PARD3B: variants seen among roughly 807,000 people sequenced by gnomAD.
The protein encoded by PARD3B is par-3 family cell polarity regulator beta.
In PARD3B, 103 loss-of-function variants were observed where a neutral mutation model predicts 130.2. The ratio of observed to expected loss-of-function variants is 0.79; its 90% CI spans 0.67 to 0.93. The LOEUF (loss-of-function observed/expected upper bound fraction) is 0.93. Ranked by LOEUF, PARD3B falls within the 40% of genes least tolerant of loss-of-function variation. The pLI is 0.00. For synonymous variants in PARD3B, 583 were observed against 553.2 expected (o/e 1.05, Z -0.76); for missense variants, 1,609 against 1,499.2 (o/e 1.07, Z -1.21).
chr2:204,773,843 A>G (rs1352244166), intron 2 of PARD3B, among the ~76,000 whole-genome samples: 1 of 152,000 alleles, frequency 6.6e-6, no homozygotes, highest in Non-Finnish European at 1.5e-5. Context: ...ACCCTTTAGA[A>G]TGTATAAATC....
Position 205,376,650 on chromosome 2 carries a change from G to C in PARD3B, c.2631-24363G>C, listed in dbSNP as rs537934792. 2.3e-4 allele frequency among the ~76,000 whole-genome samples: 35 copies of C among 152,312 alleles called. 2 individuals carry two copies. The South Asian group carries it at 7.3e-3, about 32-fold the overall frequency. Reference sequence around the variant, plus strand: ...TGCAACTGAGAGTGGGGTGCTGTAGGACATGCAGTTTGATAGCAGCATAAA... The same window carrying C: ...TGCAACTGAGAGTGGGGTGCTGTAGCACATGCAGTTTGATAGCAGCATAAA... On this transcript the variant is annotated intron_variant, in intron 18 of 22. Transcript: ENST00000406610.
At chr2:204,628,746 CT>C (rs2034573719) in intron 1 of PARD3B, among the ~76,000 whole-genome samples, 1 of 152,104 alleles carries the variant, frequency 6.6e-6, no homozygotes. Context: ...GGGAGATTGC[CT>C]TTGAACATTG....
chr2:205,084,586 G>A (rs1701629663), intron 4 of PARD3B, among the ~76,000 whole-genome samples: 1 of 151,864 alleles, frequency 6.6e-6, no homozygotes, highest in South Asian at 2.1e-4. Flanking sequence ...ATGTTGTTAT[G>A]TAATTTCTTA....
intron 18 of PARD3B, among the ~76,000 whole-genome samples, chr2:205,329,036 G>A (rs1485773131): frequency 2.6e-5 from 4 of 152,088 alleles, no homozygotes; most frequent in Non-Finnish European, 5.9e-5. Flanking sequence ...CCCTATTGGC[G>A]AAGCTCTTCT....
intron 2 of PARD3B, among the ~76,000 whole-genome samples, chr2:204,810,196 A>G (rs1047448725): frequency 2.6e-5 from 4 of 151,986 alleles, no homozygotes; most frequent in Admixed American, 2.6e-4. Context: ...GCAAACAGAG[A>G]TAGTTTGACT....
chr2:205,447,273 G>A (rs1348375977), intron 20 of PARD3B, among the ~76,000 whole-genome samples: 1 of 149,830 alleles, frequency 6.7e-6, no homozygotes, highest in Non-Finnish European at 1.5e-5. Flanking sequence ...CAGGCTTCAG[G>A]GTGGTAGGGA....
chr2:205,537,216 A>T (rs551929721), intron 21 of PARD3B, among the ~76,000 whole-genome samples: 19 of 152,302 alleles, frequency 1.2e-4, no homozygotes, highest in Admixed American at 3.9e-4. Flanking sequence ...TCTGCTCAAC[A>T]TTCATGCTAT....
intron 2 of PARD3B, among the ~76,000 whole-genome samples, chr2:204,860,960 T>C (rs2045158956): frequency 6.6e-6 from 1 of 152,182 alleles, no homozygotes; most frequent in Non-Finnish European, 1.5e-5. Context: ...CACAAAAATG[T>C]AGAGTTTTCC....
intron 16 of PARD3B, among the ~76,000 whole-genome samples, chr2:205,248,380 T>TTGGTGGTGGTGG (rs751935440): frequency 4.3e-4 from 62 of 145,358 alleles, no homozygotes; most frequent in African/African-American, 1.4e-3. Context: ...TCATTGGGAT[T>TTGGTGGTGGTGG]TGGTGGTGGT....
At chr2:205,358,049 A>T (rs2044259070) in intron 18 of PARD3B, among the ~76,000 whole-genome samples, 1 of 152,180 alleles carries the variant, frequency 6.6e-6, no homozygotes, top group African/African-American at 2.4e-5. Context: ...GAAGGACGTA[A>T]ATTTCACATA....
chr2:205,573,824 G>C (rs895416928), intron 22 of PARD3B, among the ~76,000 whole-genome samples: 2 of 152,178 alleles, frequency 1.3e-5, no homozygotes, highest in Non-Finnish European at 1.5e-5. Context: ...TTTGTGAGAA[G>C]TAGAAAACTG....
intron 22 of PARD3B, among the ~76,000 whole-genome samples, chr2:205,586,307 G>A (rs933184429): frequency 7.2e-5 from 11 of 152,174 alleles, no homozygotes; most frequent in African/African-American, 2.2e-4. Flanking sequence ...TAGAGACTCC[G>A]TGACAGGCTC....
chr2:204,912,202 A>G (rs543273372), intron 2 of PARD3B, among the ~76,000 whole-genome samples: 1 of 152,350 alleles, frequency 6.6e-6, no homozygotes, highest in Non-Finnish European at 1.5e-5. Context: ...GAAACATATG[A>G]TAATTAAAGC....
chr2:204,835,539 C>G (rs1163530858), intron 2 of PARD3B, among the ~76,000 whole-genome samples: 1 of 152,096 alleles, frequency 6.6e-6, no homozygotes, highest in Non-Finnish European at 1.5e-5. Flanking sequence ...CCACTCCCTT[C>G]CCCAAACTTG....
intron 18 of PARD3B, among the ~76,000 whole-genome samples, chr2:205,372,657 A>G (rs1281109139): frequency 1.3e-5 from 2 of 152,212 alleles, no homozygotes; most frequent in Non-Finnish European, 2.9e-5. Flanking sequence ...CTGAATATTT[A>G]TTTCTTATCC....
At chr2:205,157,406 T>C (rs567113487) in intron 10 of PARD3B, among the ~76,000 whole-genome samples, 54 of 152,282 alleles carry the variant, frequency 3.5e-4, no homozygotes, top group Admixed American at 1.2e-3. Context: ...GAACAACATA[T>C]TGTCAAAATC....
chr2:204,645,314 G>T (rs964666349), intron 1 of PARD3B, among the ~76,000 whole-genome samples: 3 of 152,076 alleles, frequency 2.0e-5, no homozygotes, highest in Admixed American at 6.5e-5. Flanking sequence ...GAAAAATAAA[G>T]TGTGTCCATT....
chr2:205,483,460 T>C (rs1380085709), intron 20 of PARD3B, among the ~76,000 whole-genome samples: 5 of 152,224 alleles, frequency 3.3e-5, no homozygotes, highest in Non-Finnish European at 7.3e-5. Context: ...AAAGATAAAT[T>C]ACATTCATAT....
intron 4 of PARD3B, among the ~76,000 whole-genome samples, chr2:205,071,825 T>G (rs1178046531): frequency 6.6e-6 from 1 of 152,126 alleles, no homozygotes; most frequent in East Asian, 1.9e-4. Context: ...TTTTACACAC[T>G]CTCTCTAATT....
Sources: gnomAD v4.1 joint callset for allele counts (sites outside exome capture counted in the v4.1 genomes callset) on GRCh38, gnomAD v4.1.1 for gene constraint, MANE v1.5 for transcripts, NCBI Gene and HGNC (gene_info 2026-07-23, HGNC 2026-07-21) for gene names.